The following HEPHL1 variants were observed in gnomAD, a reference collection of about 807,000 sequenced individuals.
HEPHL1 encodes ferroxidase HEPHL1.
In HEPHL1, 123 loss-of-function variants were observed where a neutral mutation model predicts 122.0. That is an observed-to-expected ratio of 1.01 (90% confidence interval 0.87 to 1.17). The LOEUF (loss-of-function observed/expected upper bound fraction) is 1.17, where lower values mean the gene tolerates loss of function less well. HEPHL1 is among the 50% of genes most tolerant of loss of function. The pLI, the probability that HEPHL1 is intolerant of heterozygous loss-of-function variation, is 0.00. For synonymous variants in HEPHL1, 527 were observed against 508.9 expected (o/e 1.04, Z -0.48); for missense variants, 1,452 against 1,430.5 (o/e 1.01, Z -0.24).
intron 2 of HEPHL1, among the ~76,000 whole-genome samples, chr11:94,051,013 T>C (rs1411722737): frequency 6.6e-6 from 1 of 152,148 alleles, no homozygotes; most frequent in Non-Finnish European, 1.5e-5. Context: ...TAGTACTCCA[T>C]TGTGTATATG....
intron 11 of HEPHL1, 122 bp from the exon 12 acceptor site, chr11:94,088,633 G>T: frequency 1.4e-6 from 1 of 714,796 alleles, no homozygotes; most frequent in Non-Finnish European, 2.3e-6. Context: ...CTAGACAACT[G>T]GTATTTTAAA....
At chr11:94,046,485 T>C (rs1457690718) in intron 2 of HEPHL1, among the ~76,000 whole-genome samples, 1 of 149,296 alleles carries the variant, frequency 6.7e-6, no homozygotes, top group African/African-American at 2.5e-5. Context: ...CAGTACCTGC[T>C]CCACCACGCA....
At chr11:94,069,374 G>C (rs1432241675) in intron 5 of HEPHL1, among the ~76,000 whole-genome samples, 1 of 152,068 alleles carries the variant, frequency 6.6e-6, no homozygotes, top group Non-Finnish European at 1.5e-5. Flanking sequence ...TCCCACCTTA[G>C]CCTTTCAAAG....
chr11:94,099,838 T>G (rs551305699), intron 13 of HEPHL1, among the ~76,000 whole-genome samples: 2 of 152,216 alleles, frequency 1.3e-5, no homozygotes, highest in Non-Finnish European at 2.9e-5. Context: ...TCTCCTGGTG[T>G]GCCGTTTGCT....
intron 10 of HEPHL1, 128 bp from the exon 11 acceptor site, chr11:94,085,849 C>T (rs1413156537): frequency 4.7e-6 from 3 of 636,772 alleles, no homozygotes; most frequent in Non-Finnish European, 8.3e-6. Flanking sequence ...GTGGATTCAC[C>T]ATGTGGCTTT....
At chr11:94,064,536 G>A (rs573085202) in intron 4 of HEPHL1, 26 bp downstream of exon 4, 35 of 1,534,042 alleles carry the variant, frequency 2.3e-5, no homozygotes, top group African/African-American at 1.5e-4. Context: ...GTTCCCAAAC[G>A]TATACCAGGC....
At chr11:94,098,651 A>G (rs1303694025) in intron 13 of HEPHL1, among the ~76,000 whole-genome samples, 2 of 152,232 alleles carry the variant, frequency 1.3e-5, no homozygotes, top group African/African-American at 4.8e-5. Context: ...CAGGTACACC[A>G]GTCAGACGCA....
rs1946466889 is a variant in HEPHL1, at chr11:94,113,330, G to A, written c.*1436G>A. On this transcript the variant is annotated 3_prime_UTR_variant, in exon 20 of 20. Coordinates refer to ENST00000315765, the MANE Select transcript of HEPHL1 (RefSeq NM_001098672.2). ...GGGTAATTTGAATGTCAAAGTGAGTGACAAGGACCTAAGAAATATTCTGGT... is the reference window on the plus strand; with the variant it reads ...GGGTAATTTGAATGTCAAAGTGAGTAACAAGGACCTAAGAAATATTCTGGT... 6.6e-6 allele frequency: 1 copy of A among 152,210 alleles called. No individual in the cohort carries two copies. The highest frequency in any genetic ancestry group is 6.5e-5 in the Admixed American group (1 of 15,282). 9.4% of individuals were successfully genotyped at this position (152,210 alleles called of 1,614,324 possible).
chr11:94,089,523 A>G (rs1946247261), intron 12 of HEPHL1, among the ~76,000 whole-genome samples: 1 of 152,170 alleles, frequency 6.6e-6, no homozygotes, highest in East Asian at 1.9e-4. Context: ...GCCCTCCCTT[A>G]ACAGTGCTGT....
At chr11:94,054,972 C>T (rs1945923748) in intron 2 of HEPHL1, 1 of 153,000 alleles carries the variant, frequency 6.5e-6, no homozygotes, top group Non-Finnish European at 1.5e-5. Flanking sequence ...CACTGTTACT[C>T]ATTGGGGCTG....
intron 4 of HEPHL1, 72 bp from the exon 5 acceptor site, chr11:94,067,424 G>GT (rs1210889550): frequency 8.8e-6 from 13 of 1,485,578 alleles, no homozygotes; most frequent in Non-Finnish European, 1.2e-5. Flanking sequence ...GCTTAAGCCC[G>GT]TATTACCAAC....
At chr11:94,077,367 A>G (rs1946134609) in intron 9 of HEPHL1, among the ~76,000 whole-genome samples, 1 of 151,910 alleles carries the variant, frequency 6.6e-6, no homozygotes, top group African/African-American at 2.4e-5. Flanking sequence ...CCCATGATTA[A>G]TTTCTTTAAA....
At chr11:94,110,629 C>A (rs1295384529) in intron 17 of HEPHL1, among the ~76,000 whole-genome samples, 1 of 152,178 alleles carries the variant, frequency 6.6e-6, no homozygotes, top group Admixed American at 6.5e-5. Flanking sequence ...TAGGTAGGAA[C>A]CACAAAGGTT....
chr11:94,104,736 G>C lies in HEPHL1; in HGVS notation c.2891G>C (p.Ser964Thr). The C allele has an allele frequency of 6.2e-7, 1 of 1,611,328 alleles. No individual in the cohort carries two copies. Reference sequence around the variant, plus strand: ...AAGCGCACTGATGATTTTGAGGAAAGCAACAGAATGCATGGTATATCCAAA... The same window carrying C: ...AAGCGCACTGATGATTTTGAGGAAACCAACAGAATGCATGGTATATCCAAA... ...DFKRTDDFEE[S>T]NRMHAINGKI... The change falls in exon 16 of 20, where the codon AGC becomes ACC. Residue 964 changes from serine (S) to threonine (T), a missense_variant. Physicochemically the swap from Ser to Thr is moderately conservative, Grantham distance 58. Coordinates refer to ENST00000315765, the MANE Select transcript of HEPHL1 (RefSeq NM_001098672.2).
chr11:94,047,299 A>T (rs1038982567), intron 2 of HEPHL1, among the ~76,000 whole-genome samples: 4 of 152,140 alleles, frequency 2.6e-5, no homozygotes. Flanking sequence ...AGATTATTTC[A>T]TCACCCAGGA....
At chr11:94,073,503 A>T (rs1215751274) in intron 8 of HEPHL1, 64 bp downstream of exon 8, 1 of 1,486,744 alleles carries the variant, frequency 6.7e-7, no homozygotes, top group Non-Finnish European at 9.1e-7. Context: ...AGAAATAAAC[A>T]GTCCTGGTTC....
chr11:94,086,472 A>G (rs1277857521), intron 11 of HEPHL1, among the ~76,000 whole-genome samples: 1 of 152,194 alleles, frequency 6.6e-6, no homozygotes, highest in East Asian at 1.9e-4. Flanking sequence ...CACAGTCCAT[A>G]AAAATTCAGC....
rs1034683707 is a variant in HEPHL1 at position 94,075,350 on chromosome 11, T to G, written c.1681T>G (p.Cys561Gly). The G allele has an allele frequency of 1.2e-6, 2 of 1,613,080 alleles. No homozygotes were observed. Among genetic ancestry groups the G allele is most frequent in the Admixed American group, 1.7e-5 (1 of 59,886 alleles). Residue 561 changes from cysteine (C) to glycine (G), a missense_variant, in exon 9 of 20, where the codon TGT (cysteine) becomes GGT (glycine). By Grantham distance (159) the Cys-to-Gly change is radical (BLOSUM62 -3). Transcript: ENST00000315765. The part of the protein sequence containing the change: ...SSGLVGPLLV[C>G]KKGVLNADGT... ...TGGCCTGGTAGGGCCTTTGCTAGTC[T>G]GTAAAAAGGGCGTCCTCAATGCTGA...
chr11:94,059,268 CA>C (rs1037315386), intron 2 of HEPHL1, among the ~76,000 whole-genome samples: 1 of 152,142 alleles, frequency 6.6e-6, no homozygotes, highest in African/African-American at 2.4e-5. Flanking sequence ...AATATCCCAC[CA>C]TATGAACATA....
Sources: allele counts gnomAD v4.1 joint callset (sites outside exome capture counted in the v4.1 genomes callset), GRCh38; gene constraint gnomAD v4.1.1; transcripts MANE v1.5; gene names NCBI Gene and HGNC (gene_info 2026-07-23, HGNC 2026-07-21).